Variants in BACE2 observed in about 807,000 individuals in gnomAD.
The protein encoded by BACE2 is beta-secretase 2.
BACE2 carries 17 observed loss-of-function variants against 46.2 expected under a neutral mutation model. The observed-to-expected ratio is 0.37, with a 90% confidence interval of 0.25 to 0.55. The LOEUF is 0.55. BACE2 is among the 20% of genes least tolerant of loss of function. The probability of loss-of-function intolerance (pLI) is 0.82; values close to 1 mark genes in which losing one functional copy is unlikely to be tolerated. For missense variants in BACE2, 595 were observed against 698.1 expected (o/e 0.85, Z 1.66); for synonymous variants, 277 against 295.9 (o/e 0.94, Z 0.66).
At chr21:41,241,667 C>G (rs1987291668) in intron 3 of BACE2, 152 bp from the exon 4 acceptor site, 1 of 823,918 alleles carries the variant, frequency 1.2e-6, no homozygotes, top group African/African-American at 1.7e-5. Flanking sequence ...TTCTGAATTC[C>G]TAGACCCAAT....
At chr21:41,209,344 C>T (rs1795712021) in intron 1 of BACE2, among the ~76,000 whole-genome samples, 1 of 152,200 alleles carries the variant, frequency 6.6e-6, no homozygotes, top group African/African-American at 2.4e-5. Flanking sequence ...AGGCTGTTCC[C>T]AGGGGGAGGC....
At chr21:41,175,295 G>A (rs1281913967) in intron 1 of BACE2, 2 of 152,152 alleles carry the variant, frequency 1.3e-5, no homozygotes, top group South Asian at 2.1e-4. Flanking sequence ...ATACAACCTC[G>A]GCGCTGCCAT....
chr21:41,247,968 G>T (rs922367887), intron 6 of BACE2, among the ~76,000 whole-genome samples: 9 of 152,104 alleles, frequency 5.9e-5, no homozygotes, highest in Non-Finnish European at 1.3e-4. Context: ...TTAAGGGGAG[G>T]GCTGGCTTCA....
intron 1 of BACE2, among the ~76,000 whole-genome samples, chr21:41,168,838 C>T (rs1248068822): frequency 1.3e-5 from 2 of 152,144 alleles, no homozygotes; most frequent in Non-Finnish European, 2.9e-5. Flanking sequence ...CTCCGCGGGG[C>T]TGGGCGGGAG....
chr21:41,267,849 C>G (rs570568286), intron 8 of BACE2, among the ~76,000 whole-genome samples: 1 of 152,244 alleles, frequency 6.6e-6, no homozygotes, highest in East Asian at 1.9e-4. Flanking sequence ...GAATGTTTTT[C>G]TAAGTAAACC....
chr21:41,236,202 A>G (rs1190001054), intron 2 of BACE2, among the ~76,000 whole-genome samples: 2 of 152,174 alleles, frequency 1.3e-5, no homozygotes, highest in Non-Finnish European at 2.9e-5. Flanking sequence ...ATGACCTTAT[A>G]GGGTGGGACT....
chr21:41,241,991 A>G (rs1374146145), intron 4 of BACE2, 44 bp downstream of exon 4: 2 of 1,606,928 alleles, frequency 1.2e-6, no homozygotes, highest in Non-Finnish European at 1.7e-6. Context: ...TCACAGATGG[A>G]TGGGCTGTTT....
intron 1 of BACE2, among the ~76,000 whole-genome samples, chr21:41,216,583 C>G (rs1393657143): frequency 6.6e-6 from 1 of 152,210 alleles, no homozygotes; most frequent in Non-Finnish European, 1.5e-5. Flanking sequence ...AGAGGCAGGA[C>G]CGGGTCTGGG....
chr21:41,248,267 G>A (rs1987531537), intron 6 of BACE2, among the ~76,000 whole-genome samples: 1 of 152,178 alleles, frequency 6.6e-6, no homozygotes, highest in Non-Finnish European at 1.5e-5. Context: ...TCTGAGGGTC[G>A]AAACTGGCTC....
intron 1 of BACE2, among the ~76,000 whole-genome samples, chr21:41,224,827 G>C (rs996085393): frequency 4.6e-5 from 7 of 152,288 alleles, no homozygotes; most frequent in Admixed American, 4.6e-4. Flanking sequence ...CCAAATTTGG[G>C]GGAGGATACA....
chr21:41,232,278 C>T (rs1213790258), intron 2 of BACE2, among the ~76,000 whole-genome samples: 2 of 152,150 alleles, frequency 1.3e-5, no homozygotes, highest in Admixed American at 6.5e-5. Flanking sequence ...ACCGGTTGCA[C>T]AAGAGCTTGA....
intron 2 of BACE2, among the ~76,000 whole-genome samples, chr21:41,232,139 A>T (rs1986982375): frequency 6.6e-6 from 1 of 151,794 alleles, no homozygotes; most frequent in Admixed American, 6.6e-5. Context: ...TTTCAGTTGC[A>T]CTATAATCGC....
At chr21:41,198,969 C>T (rs989558022) in intron 1 of BACE2, among the ~76,000 whole-genome samples, 4 of 150,760 alleles carry the variant, frequency 2.7e-5, no homozygotes, top group Admixed American at 1.3e-4. Flanking sequence ...TGTGCTGCAC[C>T]CATTAACTCG....
At chr21:41,197,629 A>T (rs1184491364) in intron 1 of BACE2, among the ~76,000 whole-genome samples, 2 of 152,052 alleles carry the variant, frequency 1.3e-5, no homozygotes, top group Non-Finnish European at 2.9e-5. Context: ...CCTATGTAAA[A>T]ATCTTCCAAA....
At position 41,282,500 on chromosome 21, in the gene BACE2, T is replaced by C. The variant is rs755732476; in HGVS notation, c.*6876T>C. On this transcript the variant is annotated 3_prime_UTR_variant, in exon 9 of 9. Coordinates refer to ENST00000330333, the MANE Select transcript of BACE2 (RefSeq NM_012105.5). The stretch of plus-strand genomic sequence containing the variant: ...TACCATTGAAAGGGAAATAAAACAT[T>C]TTTGTTTATTTGAATAAATAATACT... 6.6e-6 allele frequency: 1 copy of C among 152,232 alleles called. No individual in the cohort carries two copies. 9.4% of individuals were successfully genotyped at this position (152,232 alleles called of 1,614,324 possible).
chr21:41,169,590 G>C (rs1984525431), intron 1 of BACE2, among the ~76,000 whole-genome samples: 1 of 151,942 alleles, frequency 6.6e-6, no homozygotes, highest in African/African-American at 2.4e-5. Flanking sequence ...TTGTCATTTG[G>C]GTTTTGATTC....
At chr21:41,246,740 G>A (rs1262853095) in intron 6 of BACE2, among the ~76,000 whole-genome samples, 5 of 152,060 alleles carry the variant, frequency 3.3e-5, no homozygotes, top group Non-Finnish European at 7.4e-5. Context: ...GTCAGTTCAG[G>A]GCAATAAACA....
rs112146428 is a variant in BACE2 at position 41,187,543 on chromosome 21, T to A, written c.312+18968T>A. ...TTGGCCCAGGAATCACAAAACAGAG[T>A]TTTAAAACTGTTCTTTAAAATCCTA... is the stretch of plus-strand genomic sequence containing the variant. On this transcript the variant is annotated intron_variant, in intron 1 of 8. Coordinates refer to ENST00000330333, the MANE Select transcript of BACE2 (RefSeq NM_012105.5). Among the ~76,000 whole-genome samples the A allele has an allele frequency of 7.6e-3, 1,157 of 152,142 alleles. 11 individuals carry two copies. Among genetic ancestry groups the A allele is most frequent in the African/African-American group, 0.026 (1,090 of 41,488 alleles).
At chr21:41,207,802 A>C (rs138256003) in intron 1 of BACE2, among the ~76,000 whole-genome samples, 2 of 152,166 alleles carry the variant, frequency 1.3e-5, no homozygotes, top group East Asian at 1.9e-4. Context: ...CTTTCAGTCC[A>C]TGTTTGGTTT....
Sources: gnomAD v4.1 joint callset for allele counts (sites outside exome capture counted in the v4.1 genomes callset) on GRCh38, gnomAD v4.1.1 for gene constraint, MANE v1.5 for transcripts, NCBI Gene and HGNC (gene_info 2026-07-23, HGNC 2026-07-21) for gene names.